The following HDAC4 variants were observed in gnomAD, a reference collection of about 807,000 sequenced individuals.
The protein encoded by HDAC4 is histone deacetylase A.
In HDAC4, 16 loss-of-function variants were observed where a neutral mutation model predicts 135.1. The ratio of observed to expected loss-of-function variants is 0.12; its 90% CI spans 0.08 to 0.18. The LOEUF is 0.18. Among genes scored for constraint, HDAC4 ranks in the 10% least tolerant of loss-of-function variants. The pLI is 1.00. For synonymous variants in HDAC4, 685 were observed against 653.4 expected, an observed-to-expected ratio of 1.05 and a Z score of -0.74; for missense variants, 1,143 against 1,511.8, an observed-to-expected ratio of 0.76 and a Z score of 4.05.
chr2:239,318,267 A>T (rs59288276), intron 2 of HDAC4, among the ~76,000 whole-genome samples: 197 of 152,372 alleles, frequency 1.3e-3, no homozygotes, highest in African/African-American at 4.6e-3. Flanking sequence ...GCAGCAACGA[A>T]ATACTGCGGT....
At chr2:239,212,240 G>A (rs1452935768) in intron 3 of HDAC4, among the ~76,000 whole-genome samples, 1 of 152,134 alleles carries the variant, frequency 6.6e-6, no homozygotes, top group Non-Finnish European at 1.5e-5. Context: ...GTGAGACTTG[G>A]TTGAAAGGGT....
chr2:239,177,871 G>T (rs1028891172), intron 4 of HDAC4, among the ~76,000 whole-genome samples: 2 of 152,172 alleles, frequency 1.3e-5, no homozygotes, highest in Non-Finnish European at 2.9e-5. Context: ...TTTCACTCAC[G>T]GTATCGGAAA....
intron 4 of HDAC4, among the ~76,000 whole-genome samples, chr2:239,185,695 T>C (rs2044506686): frequency 6.6e-6 from 1 of 152,168 alleles, no homozygotes; most frequent in African/African-American, 2.4e-5. Context: ...TCCATGTTTG[T>C]GTCCTGCCTC....
At chr2:239,143,649 G>T (rs1032116101) in intron 8 of HDAC4, among the ~76,000 whole-genome samples, 1 of 152,194 alleles carries the variant, frequency 6.6e-6, no homozygotes, top group Admixed American at 6.5e-5. Flanking sequence ...AACAGGCAGG[G>T]CCCTGTATTT....
intron 2 of HDAC4, among the ~76,000 whole-genome samples, chr2:239,345,461 C>A (rs1692548484): frequency 6.6e-6 from 1 of 151,824 alleles, no homozygotes; most frequent in Admixed American, 6.6e-5. Flanking sequence ...TACTCGGGAG[C>A]CTGAGGTGGG....
intron 11 of HDAC4, among the ~76,000 whole-genome samples, chr2:239,132,440 G>C (rs994840679): frequency 1.3e-5 from 2 of 152,194 alleles, no homozygotes; most frequent in Non-Finnish European, 2.9e-5. Context: ...CAGGGTTTTG[G>C]AGGTGGCGGC....
chr2:239,216,817 G>T (rs2046667146), intron 3 of HDAC4, among the ~76,000 whole-genome samples: 1 of 152,166 alleles, frequency 6.6e-6, no homozygotes, highest in Non-Finnish European at 1.5e-5. Context: ...GGGGTGCACA[G>T]GGGTTCCACC....
chr2:239,119,198 G>A (rs2039408515), intron 12 of HDAC4, among the ~76,000 whole-genome samples: 1 of 152,158 alleles, frequency 6.6e-6, no homozygotes, highest in Non-Finnish European at 1.5e-5. Flanking sequence ...CTTGAGAGCG[G>A]GGCCCTTATC....
chr2:239,120,360 C>T (rs1008695449), intron 12 of HDAC4, among the ~76,000 whole-genome samples: 35 of 148,520 alleles, frequency 2.4e-4, no homozygotes, highest in African/African-American at 8.9e-4. Flanking sequence ...TACATACACA[C>T]ACAGATACAT....
At chr2:239,233,187 A>C (rs1440270008) in intron 3 of HDAC4, among the ~76,000 whole-genome samples, 1 of 152,250 alleles carries the variant, frequency 6.6e-6, no homozygotes, top group Non-Finnish European at 1.5e-5. Context: ...AAACATTTTA[A>C]AAAAGAAAGA....
At chr2:239,355,406 A>G (rs1293643181) in intron 1 of HDAC4, among the ~76,000 whole-genome samples, 2 of 152,114 alleles carry the variant, frequency 1.3e-5, no homozygotes, top group African/African-American at 2.4e-5. Flanking sequence ...ATTTTCCACA[A>G]TATCCATTTT....
chr2:239,153,908 C>T (rs1388001366), intron 7 of HDAC4, among the ~76,000 whole-genome samples: 1 of 152,226 alleles, frequency 6.6e-6, no homozygotes, highest in Non-Finnish European at 1.5e-5. Flanking sequence ...TGATGGTGAA[C>T]AGCAGGGCAG....
rs2052112001 is a variant in HDAC4, at chr2:239,299,385, G to T, written c.22+53293C>A. Reference sequence around the variant, plus strand: ...GCGTGGTGCAATGATCAGGACGGAGGTGCCTAACAATCCCAATAAAATGCT... The same window carrying T: ...GCGTGGTGCAATGATCAGGACGGAGTTGCCTAACAATCCCAATAAAATGCT... On this transcript the variant is annotated intron_variant, in intron 2 of 26. Transcript: ENST00000543185. This position sits in a 1 kb window ranked among gnomAD's most constrained non-coding sequence, Gnocchi z 4.0. Among the ~76,000 whole-genome samples, 1 of 152,114 alleles carries T rather than the reference G, an allele frequency of 6.6e-6. No homozygotes were observed. Among genetic ancestry groups the T allele is most frequent in the Non-Finnish European group, 1.5e-5 (1 of 68,034 alleles).
intron 5 of HDAC4, among the ~76,000 whole-genome samples, chr2:239,172,286 G>GAAAAA (rs1352369078): frequency 7.0e-4 from 62 of 89,154 alleles, no homozygotes; most frequent in African/African-American, 2.4e-3. Flanking sequence ...CCAAGCTGGT[G>GAAAAA]AAAAAAAATA....
intron 1 of HDAC4, among the ~76,000 whole-genome samples, chr2:239,395,593 C>A (rs912509797): frequency 2.0e-5 from 3 of 152,142 alleles, no homozygotes; most frequent in Non-Finnish European, 2.9e-5. Flanking sequence ...TACAATACCA[C>A]CATGTATAAA....
Position 239,093,988 on chromosome 2 carries a change from T to C in HDAC4, c.2280+1022A>G, listed in dbSNP as rs545521315. On this transcript the variant is annotated intron_variant, in intron 17 of 26. Transcript: ENST00000543185. ...TCTGACGGGATAATTTTCAAAGCAG[T>C]GATTTTTATAAAAACTCAGGAAGAA... The C allele has an allele frequency of 2.7e-5, 27 of 985,440 alleles. No homozygotes were observed. The Middle Eastern group carries it at 1.6e-3, about 57-fold the overall frequency. The allele number at this position is 985,440 out of a possible 1,614,324, so 61.0% of individuals were successfully genotyped here. A position where few individuals can be genotyped will look rare whatever the true frequency, so the allele number is the denominator to read the frequency against.
chr2:239,131,219 G>A (rs1312907451), intron 11 of HDAC4, among the ~76,000 whole-genome samples: 1 of 152,210 alleles, frequency 6.6e-6, no homozygotes, highest in East Asian at 1.9e-4. Context: ...GCAGCTCTGG[G>A]AGACCCTGGA....
chr2:239,356,485 C>G (rs1693497881), intron 1 of HDAC4, among the ~76,000 whole-genome samples: 1 of 152,174 alleles, frequency 6.6e-6, no homozygotes, highest in Non-Finnish European at 1.5e-5. Context: ...CAATCTTCCC[C>G]AAGCACTATA....
chr2:239,325,287 G>C (rs1254023510), intron 2 of HDAC4, among the ~76,000 whole-genome samples: 1 of 152,188 alleles, frequency 6.6e-6, no homozygotes, highest in Non-Finnish European at 1.5e-5. Context: ...ACCATCCAGA[G>C]AGTGAAATGA....
Sources: gnomAD v4.1 joint callset for allele counts (sites outside exome capture counted in the v4.1 genomes callset) on GRCh38, gnomAD v4.1.1 for gene constraint, Gnocchi (gnomAD v3.1) non-coding constraint, MANE v1.5 for transcripts, NCBI Gene and HGNC (gene_info 2026-07-23, HGNC 2026-07-21) for gene names.